The following C18orf54 variants were observed in gnomAD, a reference collection of about 807,000 sequenced individuals.
The protein encoded by C18orf54 is chromosome 18 open reading frame 54, also known as lung adenoma susceptibility protein 2.
In C18orf54, 49 loss-of-function variants were observed where a neutral mutation model predicts 49.3. That is an observed-to-expected ratio of 0.99 (90% confidence interval 0.79 to 1.26). The LOEUF (loss-of-function observed/expected upper bound fraction) is 1.26, where lower values mean the gene tolerates loss of function less well. Ranked by LOEUF, C18orf54 falls within the 50% of genes most tolerant of loss-of-function variation. C18orf54 has a pLI of 0.00. For missense variants in C18orf54, 687 were observed against 620.6 expected, an observed-to-expected ratio of 1.11 and a Z score of -1.14; for synonymous variants, 211 against 216.6, an observed-to-expected ratio of 0.97 and a Z score of 0.23.
Position 54,362,221 on chromosome 18 carries a change from T to C in C18orf54, c.862T>C (p.Cys288Arg). ...TTATCAGATATTTAAAGATGATCAGTGTTCCCCTAGACATAGTCATCAGGC... is the reference window on the plus strand; with the variant it reads ...TTATCAGATATTTAAAGATGATCAGCGTTCCCCTAGACATAGTCATCAGGC... ...RVYQIFKDDQ[C>R]SPRHSHQAQG... The change falls in exon 4 of 9, where the codon TGT becomes CGT. Residue 288 changes from cysteine (C) to arginine (R), a missense_variant. By Grantham distance (180) the Cys-to-Arg change is radical. Transcript: ENST00000620105. 6.5e-7 allele frequency: 1 copy of C among 1,536,348 alleles called. No individual in the cohort carries two copies. Among genetic ancestry groups the C allele is most frequent in the South Asian group, 1.2e-5 (1 of 84,062 alleles).
At chr18:54,369,164 G>A (rs1482202774) in intron 6 of C18orf54, among the ~76,000 whole-genome samples, 1 of 152,088 alleles carries the variant, frequency 6.6e-6, no homozygotes, top group Non-Finnish European at 1.5e-5. Context: ...ACTCACATAT[G>A]TACATTTCTT....
chr18:54,372,677 T>A, intron 7 of C18orf54, 80 bp downstream of exon 7: 23 of 1,317,388 alleles, frequency 1.7e-5, no homozygotes, highest in Non-Finnish European at 2.4e-5. Flanking sequence ...ATAGACCTAC[T>A]TATAGTTTTA....
chr18:54,360,552 A>G lies in C18orf54; in HGVS notation c.-21A>G, dbSNP rs376517433. The G allele has an allele frequency of 1.2e-6, 2 of 1,610,624 alleles. No individual in the cohort carries two copies. The highest frequency in any genetic ancestry group is 2.2e-5 in the East Asian group (1 of 44,858). On this transcript the variant is annotated 5_prime_UTR_variant, in exon 3 of 9. Transcript: ENST00000620105. ...TTGTTTTTAAGGGAAATGAATAGAA[A>G]CAATCCACTTTGAAGAAGCCATGGC...
In C18orf54 at chr18:54,365,757, A is replaced by C; in HGVS notation, c.1262A>C (p.Gln421Pro). Residue 421 changes from glutamine (Q) to proline (P), a missense_variant, in exon 6 of 9, where the codon CAA becomes CCA. Coordinates refer to ENST00000620105, the MANE Select transcript of C18orf54 (RefSeq NM_001288980.2). ...CCCGTTAACTCTGATGATAGTCCTC[A>C]ACAAACTTCAAGGGCAAAGAGTGCT... The part of the protein sequence containing the change: ...PVPVNSDDSP[Q>P]QTSRAKSAKG... 1 of 1,601,160 alleles carries C rather than the reference A, an allele frequency of 6.2e-7. No individual in the cohort carries two copies.
intron 6 of C18orf54, 22 bp from the exon 7 acceptor site, chr18:54,372,444 C>T (rs2089502256): frequency 2.0e-6 from 3 of 1,505,344 alleles, no homozygotes; most frequent in South Asian, 1.4e-5. Flanking sequence ...TAACTTTATA[C>T]TATCATCTGT....
chr18:54,370,903 A>G (rs1223924833), intron 6 of C18orf54, among the ~76,000 whole-genome samples: 1 of 151,112 alleles, frequency 6.6e-6, no homozygotes, highest in Non-Finnish European at 1.5e-5. Flanking sequence ...GCTATCTCCC[A>G]GGGTGTAGGA....
rs1206710591 is a variant in C18orf54 at position 54,360,733 on chromosome 18, C to T, written c.161C>T (p.Ala54Val). 3 of 1,613,898 alleles carry T rather than the reference C, an allele frequency of 1.9e-6. No homozygotes were observed. In the African/African-American group the frequency reaches 4.0e-5, roughly 22 times the overall value. The change falls in exon 3 of 9, where the codon GCT becomes GTT. Residue 54 changes from alanine (A) to valine (V), a missense_variant. Ala to Val is a moderately conservative substitution (Grantham distance 64). Transcript: ENST00000620105. ...AGATCTGCTTCTCAAGCTCTACAGG[C>T]TTATATTGATGATTTTGATCTAGGC... ...LYRSASQALQ[A>V]YIDDFDLGQI...
intron 6 of C18orf54, among the ~76,000 whole-genome samples, chr18:54,369,472 T>C (rs1231647726): frequency 1.7e-5 from 2 of 118,526 alleles, no homozygotes; most frequent in Non-Finnish European, 3.7e-5. Flanking sequence ...ATTGCTTTTT[T>C]TTTTTTTTTT....
chr18:54,378,481 G>T lies in C18orf54; in HGVS notation c.*235G>T. ...GCAAGGACCCACAATATATCCTGAA[G>T]TCTTACTTTCGCCTTCTGGCCAGCA... is the stretch of plus-strand genomic sequence containing the variant. On this transcript the variant is annotated 3_prime_UTR_variant, in exon 9 of 9. Coordinates refer to ENST00000620105, the MANE Select transcript of C18orf54 (RefSeq NM_001288980.2). The T allele has an allele frequency of 3.3e-6, 1 of 301,784 alleles. No individual in the cohort carries two copies. Among genetic ancestry groups the T allele is most frequent in the Non-Finnish European group, 6.1e-6 (1 of 164,510 alleles). 18.7% of individuals were successfully genotyped at this position (301,784 alleles called of 1,614,324 possible).
In C18orf54 at chr18:54,362,242, C is replaced by G. The variant is rs983524861; in HGVS notation, c.883C>G (p.Gln295Glu). The change falls in exon 4 of 9, where the codon CAG (glutamine) becomes GAG (glutamate). Residue 295 changes from glutamine to glutamate, a missense_variant. Gln to Glu is a conservative substitution (Grantham distance 29). Transcript: ENST00000620105. ...DDQCSPRHSH[Q>E]AQGTSRLINK... Reference sequence around the variant, plus strand: ...TCAGTGTTCCCCTAGACATAGTCATCAGGCACAAGGAACTTCTCGGCTTAT... The same window carrying G: ...TCAGTGTTCCCCTAGACATAGTCATGAGGCACAAGGAACTTCTCGGCTTAT... 1.7e-5 allele frequency: 26 copies of G among 1,536,312 alleles called. No homozygotes were observed. The highest frequency in any genetic ancestry group is 2.3e-5 in the Non-Finnish European group (26 of 1,146,922).
chr18:54,377,293 T>C (rs2089592123), intron 8 of C18orf54, among the ~76,000 whole-genome samples: 1 of 152,144 alleles, frequency 6.6e-6, no homozygotes, highest in South Asian at 2.1e-4. Flanking sequence ...CATCAGGTGA[T>C]ATGCCCATCC....
At chr18:54,361,485 C>T (rs1012763884) in intron 3 of C18orf54, among the ~76,000 whole-genome samples, 158 bp from the exon 4 acceptor site, 1 of 152,154 alleles carries the variant, frequency 6.6e-6, no homozygotes, top group Non-Finnish European at 1.5e-5. Flanking sequence ...AAAGCACATC[C>T]TGTTTTATCC....
At chr18:54,373,334 A>C (rs1160093853) in intron 7 of C18orf54, among the ~76,000 whole-genome samples, 1 of 151,806 alleles carries the variant, frequency 6.6e-6, no homozygotes, top group African/African-American at 2.4e-5. Context: ...TTGGGTGTAC[A>C]ACATGATGTT....
chr18:54,371,548 T>C (rs978718316), intron 6 of C18orf54, among the ~76,000 whole-genome samples: 3 of 152,154 alleles, frequency 2.0e-5, no homozygotes, highest in Non-Finnish European at 1.5e-5. Flanking sequence ...CTATGTTTAA[T>C]TTCTTGTGGA....
intron 8 of C18orf54, among the ~76,000 whole-genome samples, chr18:54,374,546 G>A (rs759440543): frequency 6.6e-6 from 1 of 151,714 alleles, no homozygotes; most frequent in Non-Finnish European, 1.5e-5. Context: ...AGTAGTAATA[G>A]CAACAATTTA....
At chr18:54,364,052 G>A (rs1465116475) in intron 5 of C18orf54, 3 of 151,946 alleles carry the variant, frequency 2.0e-5, no homozygotes, top group East Asian at 3.9e-4. Context: ...AGAAATTTTA[G>A]TAGTGATGAT....
intron 8 of C18orf54, among the ~76,000 whole-genome samples, chr18:54,377,046 G>C (rs2089586776): frequency 6.6e-6 from 1 of 150,566 alleles, no homozygotes; most frequent in Non-Finnish European, 1.5e-5. Flanking sequence ...TTGTTTTTTT[G>C]AGATAGAGTT....
At chr18:54,369,466 C>CTTTTTTTTTTTTTT in intron 6 of C18orf54, among the ~76,000 whole-genome samples, 1 of 89,150 alleles carries the variant, frequency 1.1e-5, no homozygotes, top group Non-Finnish European at 2.0e-5. Context: ...TTGTATATTG[C>CTTTTTTTTTTTTTT]TTTTTTTTTT....
chr18:54,372,277 G>A (rs1599345461), intron 6 of C18orf54, among the ~76,000 whole-genome samples, 189 bp from the exon 7 acceptor site: 1 of 151,966 alleles, frequency 6.6e-6, no homozygotes, highest in East Asian at 1.9e-4. Flanking sequence ...TTGTCTTTAA[G>A]TAACTTCACC....
Sources: allele counts gnomAD v4.1 joint callset (sites outside exome capture counted in the v4.1 genomes callset), GRCh38; gene constraint gnomAD v4.1.1; transcripts MANE v1.5; gene names NCBI Gene and HGNC (gene_info 2026-07-23, HGNC 2026-07-21).